The following LY6G5B variants were observed in gnomAD, a reference collection of about 807,000 sequenced individuals.
LY6G5B encodes the protein lymphocyte antigen 6 complex locus protein G5b.
A neutral mutation model predicts 6.7 loss-of-function variants in LY6G5B; 6 were observed. That is an observed-to-expected ratio of 0.89 (90% CI 0.49 to 1.76). LY6G5B has a LOEUF of 1.76. Ranked by LOEUF, LY6G5B falls within the 40% of genes most tolerant of loss-of-function variation. The pLI is 0.01. For missense variants in LY6G5B, 240 were observed against 249.5 expected, an observed-to-expected ratio of 0.96 and a Z score of 0.26; for synonymous variants, 98 against 99.4, an observed-to-expected ratio of 0.99 and a Z score of 0.09.
chr6:31,670,209 G>A (rs1021896438), exon 1 of LY6G5B: 2 of 460,884 alleles, frequency 4.3e-6, no homozygotes, highest in Non-Finnish European at 7.6e-6. Flanking sequence ...GGTGTTTTTA[G>A]TATGGAGCAG....
intron 1 of LY6G5B, 47 bp downstream of exon 1, chr6:31,671,055 C>A (rs1802171512): frequency 6.2e-7 from 1 of 1,608,966 alleles, no homozygotes; most frequent in South Asian, 1.1e-5. Flanking sequence ...TAACTGAGTC[C>A]AGGAAGGGGG....
chr6:31,671,243 T>TCAG, exon 2 of LY6G5B: 1 of 1,613,884 alleles, frequency 6.2e-7, no homozygotes, highest in South Asian at 1.1e-5. Context: ...AAGTGTACCA[T>TCAG]CAGCAGCTCA....
Position 31,670,681 on chromosome 6 carries a change from A to G in LY6G5B, c.-270A>G, listed in dbSNP as rs147053487. On this transcript the variant is annotated 5_prime_UTR_variant, in exon 1 of 3. Coordinates refer to ENST00000375864, the Ensembl canonical transcript of LY6G5B. ...GTAGACACTGGATAAAGAACCCGGT[A>G]GTGCCCAGGTATTACCCCATCTGGG... 1.5e-3 allele frequency: 735 copies of G among 490,084 alleles called. 10 individuals carry two copies. Among genetic ancestry groups the G allele is most frequent in the African/African-American group, 0.013 (665 of 51,728 alleles). The allele number at this position is 490,084 out of a possible 1,614,324, so 30.4% of individuals were successfully genotyped here.
At chr6:31,670,829 A>T in exon 1 of LY6G5B, 1 of 987,760 alleles carries the variant, frequency 1.0e-6, no homozygotes, top group Non-Finnish European at 1.5e-6. Flanking sequence ...CTGCATTTAC[A>T]GCAGCTCCTG....
exon 1 of LY6G5B, chr6:31,670,719 C>T: frequency 1.8e-6 from 1 of 543,398 alleles, no homozygotes. Context: ...ATTACTCCCA[C>T]ACTCAGGAAC....
chr6:31,670,129 G>A, upstream of LY6G5B: 1 of 576,078 alleles, frequency 1.7e-6, no homozygotes, highest in Non-Finnish European at 3.0e-6. Flanking sequence ...TGGACTCCAG[G>A]GGCCCTCATG....
At chr6:31,673,316 A>G (rs1020709688) in exon 3 of LY6G5B, 1 of 152,416 alleles carries the variant, frequency 6.6e-6, no homozygotes, top group Admixed American at 6.6e-5. Flanking sequence ...TGACTTGGCA[A>G]TTTTGTGTCC....
chr6:31,670,923 G>A lies in LY6G5B; in HGVS notation c.-28G>A, dbSNP rs776730481. 78 of 1,580,122 alleles carry A rather than the reference G, an allele frequency of 4.9e-5. No homozygotes were observed. The African/African-American group carries it at 6.4e-4, about 13-fold the overall frequency. On this transcript the variant is annotated 5_prime_UTR_variant, in exon 1 of 3. Transcript: ENST00000375864. ...GTGGGGTTTCAGGGCATCCCCTCAG[G>A]AACTGCCCATCTCCCCAGAATTCCA...
chr6:31,671,209 G>C, exon 2 of LY6G5B: 1 of 1,614,068 alleles, frequency 6.2e-7, no homozygotes, highest in Non-Finnish European at 8.5e-7. Flanking sequence ...AGACCCTTCT[G>C]TAGGATGCAT....
At chr6:31,671,924 A>G (rs1244930802) in exon 3 of LY6G5B, 1 of 1,613,102 alleles carries the variant, frequency 6.2e-7, no homozygotes, top group Non-Finnish European at 8.5e-7. Context: ...CGCTGCCAAG[A>G]AAAACGCAAC....
chr6:31,671,955 G>C, exon 3 of LY6G5B: 1 of 1,613,070 alleles, frequency 6.2e-7, no homozygotes. Context: ...CAGAGTACTG[G>C]TATCAGGCCC....
upstream of LY6G5B, chr6:31,670,066 C>T: frequency 2.7e-6 from 2 of 733,508 alleles, no homozygotes; most frequent in Non-Finnish European, 4.3e-6. Context: ...AAGAAAAGGC[C>T]ATGAGCTAGT....
exon 3 of LY6G5B, chr6:31,672,241 G>A: frequency 6.2e-7 from 1 of 1,613,094 alleles, no homozygotes; most frequent in Non-Finnish European, 8.5e-7. Flanking sequence ...AGGACTTTTG[G>A]TTCTTCCCCA....
chr6:31,671,081 G>C, intron 1 of LY6G5B, 73 bp downstream of exon 1: 1 of 1,611,156 alleles, frequency 6.2e-7, no homozygotes, highest in Non-Finnish European at 8.5e-7. Flanking sequence ...CGTGGCCATG[G>C]ATAATCGGGC....
At chr6:31,670,632 C>T (rs972550522) in exon 1 of LY6G5B, 4 of 393,100 alleles carry the variant, frequency 1.0e-5, no homozygotes, top group African/African-American at 6.1e-5. Context: ...GGGAATAGGT[C>T]TTTGGAGGGT....
chr6:31,670,806 T>C, exon 1 of LY6G5B: 1 of 783,254 alleles, frequency 1.3e-6, no homozygotes, highest in Non-Finnish European at 2.1e-6. Context: ...CTGCCCCAAG[T>C]AGGAATATAG....
exon 1 of LY6G5B, chr6:31,670,728 A>G: frequency 3.6e-6 from 2 of 553,644 alleles, no homozygotes; most frequent in South Asian, 5.4e-5. Context: ...ACACTCAGGA[A>G]CCAGACGTTG....
At chr6:31,672,282 A>C in exon 3 of LY6G5B, 1 of 1,610,574 alleles carries the variant, frequency 6.2e-7, no homozygotes, top group Non-Finnish European at 8.5e-7. Context: ...ACCCTTCCTG[A>C]ATTCCACAGT....
exon 1 of LY6G5B, chr6:31,670,684 G>A: frequency 2.0e-6 from 1 of 498,766 alleles, no homozygotes; most frequent in Non-Finnish European, 3.5e-6. Flanking sequence ...ACCCGGTAGT[G>A]CCCAGGTATT....
Sources: allele counts gnomAD v4.1 joint callset, GRCh38; gene constraint gnomAD v4.1.1; transcripts MANE v1.5; gene names NCBI Gene and HGNC (gene_info 2026-07-23, HGNC 2026-07-21).